The following SCHIP1 variants were observed in gnomAD, a reference collection of about 807,000 sequenced individuals.
The protein encoded by SCHIP1 is schwannomin interacting protein 1.
In SCHIP1, 8 loss-of-function variants were observed where a neutral mutation model predicts 29.7. The ratio of observed to expected loss-of-function variants is 0.27; its 90% CI spans 0.16 to 0.49. The LOEUF (loss-of-function observed/expected upper bound fraction) is 0.49, where lower values mean the gene tolerates loss of function less well. Among genes scored for constraint, SCHIP1 ranks in the 20% least tolerant of loss-of-function variants. SCHIP1 has a pLI of 0.99. For missense variants in SCHIP1, 193 were observed against 294.6 expected, an observed-to-expected ratio of 0.66 and a Z score of 2.52; for synonymous variants, 76 against 94.9, an observed-to-expected ratio of 0.80 and a Z score of 1.16.
intron 2 of SCHIP1, among the ~76,000 whole-genome samples, chr3:159,869,959 A>G (rs963548420): frequency 6.6e-6 from 1 of 151,752 alleles, no homozygotes; most frequent in African/African-American, 2.4e-5. Flanking sequence ...ATCTCTTGTT[A>G]TATTTATTTC....
chr3:159,739,309 A>G, the SCHIP1 span, among the ~76,000 whole-genome samples: 6 of 152,220 alleles, frequency 3.9e-5, no homozygotes, highest in Non-Finnish European at 7.3e-5. Flanking sequence ...TTAAAAGACA[A>G]TCTCTCAAAG....
At chr3:159,719,864 C>A in the SCHIP1 span, among the ~76,000 whole-genome samples, 1 of 152,146 alleles carries the variant, frequency 6.6e-6, no homozygotes. Context: ...ACCATTTGAT[C>A]CAGCCATCCC....
At chr3:159,589,922 G>C in the SCHIP1 span, among the ~76,000 whole-genome samples, 1 of 152,084 alleles carries the variant, frequency 6.6e-6, no homozygotes, top group Non-Finnish European at 1.5e-5. Context: ...GCAAGTGTTA[G>C]GAAAAAGTAT....
chr3:159,750,416 A>G, the SCHIP1 span, among the ~76,000 whole-genome samples: 1 of 151,812 alleles, frequency 6.6e-6, no homozygotes, highest in African/African-American at 2.4e-5. Context: ...TATATTTAGA[A>G]GGTGGAATCA....
chr3:159,622,727 G>A, the SCHIP1 span, among the ~76,000 whole-genome samples: 1 of 151,962 alleles, frequency 6.6e-6, no homozygotes, highest in Non-Finnish European at 1.5e-5. Context: ...GCCCATCCTG[G>A]CTCACACAGT....
chr3:159,451,220 G>A, the SCHIP1 span, among the ~76,000 whole-genome samples: 1 of 152,144 alleles, frequency 6.6e-6, no homozygotes, highest in African/African-American at 2.4e-5. Context: ...CTATCTGAAG[G>A]GCACATGTTA....
the SCHIP1 span, among the ~76,000 whole-genome samples, chr3:159,513,724 C>G: frequency 6.6e-6 from 1 of 152,228 alleles, no homozygotes; most frequent in Admixed American, 6.5e-5. Context: ...GACAACGGCA[C>G]AGAAAGCCTG....
chr3:159,335,402 T>A, the SCHIP1 span, among the ~76,000 whole-genome samples: 1 of 152,144 alleles, frequency 6.6e-6, no homozygotes, highest in South Asian at 2.1e-4. Context: ...ACAGGTTAGT[T>A]ACATATGTAT....
At chr3:159,297,625 A>G in the SCHIP1 span, among the ~76,000 whole-genome samples, 1 of 152,172 alleles carries the variant, frequency 6.6e-6, no homozygotes, top group South Asian at 2.1e-4. Context: ...AAAGATATGC[A>G]GACACACCAC....
intron 1 of SCHIP1, among the ~76,000 whole-genome samples, chr3:159,842,536 T>A (rs747004810): frequency 2.0e-5 from 3 of 152,156 alleles, no homozygotes; most frequent in Admixed American, 6.5e-5. Flanking sequence ...AAATTTTAGT[T>A]TATCATCCTG....
At chr3:159,459,561 C>CAA in the SCHIP1 span, among the ~76,000 whole-genome samples, 3,101 of 150,686 alleles carry the variant, frequency 0.021, 81 homozygotes, top group African/African-American at 0.065. Flanking sequence ...TGCTATATAA[C>CAA]AAAAAAAAAT....
chr3:159,677,169 C>G, the SCHIP1 span, among the ~76,000 whole-genome samples: 3 of 152,128 alleles, frequency 2.0e-5, no homozygotes, highest in African/African-American at 7.2e-5. Context: ...ATCCAGGTAC[C>G]CAATACCCTA....
chr3:159,470,950 G>A, the SCHIP1 span, among the ~76,000 whole-genome samples: 1 of 152,040 alleles, frequency 6.6e-6, no homozygotes, highest in Non-Finnish European at 1.5e-5. Context: ...AAGGTAGAGG[G>A]GGAGAAAATC....
the SCHIP1 span, chr3:159,808,704 T>A: frequency 6.6e-6 from 1 of 152,220 alleles, no homozygotes; most frequent in Non-Finnish European, 1.5e-5. Context: ...CTCTAATGAC[T>A]ACAAAAAACC....
chr3:159,747,599 A>G, the SCHIP1 span, among the ~76,000 whole-genome samples: 4 of 152,108 alleles, frequency 2.6e-5, no homozygotes, highest in Non-Finnish European at 5.9e-5. Context: ...GTATATTCAC[A>G]GATGTTCCAA....
chr3:159,481,612 G>A, the SCHIP1 span, among the ~76,000 whole-genome samples: 1 of 152,040 alleles, frequency 6.6e-6, no homozygotes, highest in African/African-American at 2.4e-5. Context: ...CCATTTTTCT[G>A]TAAGTGAGTT....
At chr3:159,638,045 G>T in the SCHIP1 span, among the ~76,000 whole-genome samples, 1 of 152,168 alleles carries the variant, frequency 6.6e-6, no homozygotes, top group African/African-American at 2.4e-5. Flanking sequence ...GCTAACATGA[G>T]TCATGTGGAA....
chr3:159,718,411 G>A, the SCHIP1 span, among the ~76,000 whole-genome samples: 2 of 152,112 alleles, frequency 1.3e-5, no homozygotes, highest in Non-Finnish European at 2.9e-5. Context: ...GAAATAAAGG[G>A]TATTCAGTTA....
At chr3:159,483,214 C>A in the SCHIP1 span, among the ~76,000 whole-genome samples, 1 of 152,072 alleles carries the variant, frequency 6.6e-6, no homozygotes, top group African/African-American at 2.4e-5. Flanking sequence ...TTCTCCTTTG[C>A]GGTCAAAGAT....
Sources: allele counts gnomAD v4.1 joint callset (sites outside exome capture counted in the v4.1 genomes callset), GRCh38; gene constraint gnomAD v4.1.1; transcripts MANE v1.5; gene names NCBI Gene and HGNC (gene_info 2026-07-23, HGNC 2026-07-21).